DLGAP2: variants seen among roughly 807,000 people sequenced by gnomAD.
DLGAP2 encodes disks large-associated protein 2.
Under a neutral mutation model 100.3 loss-of-function variants are expected in DLGAP2, and 26 were observed. The observed-to-expected ratio is 0.26, with a 90% CI of 0.19 to 0.36. The LOEUF is 0.36. DLGAP2 is among the 10% of genes least tolerant of loss of function. The pLI is 1.00. For missense variants in DLGAP2, 1,858 were observed against 1,453.2 expected (o/e 1.28, Z -4.53); for synonymous variants, 886 against 630.1 (o/e 1.41, Z -6.08).
intron 4 of DLGAP2, among the ~76,000 whole-genome samples, chr8:1,539,231 C>A (rs889300924): frequency 1.3e-5 from 2 of 152,172 alleles, no homozygotes; most frequent in Non-Finnish European, 2.9e-5. Context: ...ACAGCATGTC[C>A]ACCAACAGAC....
rs531964889 is a variant in DLGAP2 at position 1,493,402 on chromosome 8, G to A, written c.107-7964G>A. Among the ~76,000 whole-genome samples, 155 of 152,208 alleles carry A rather than the reference G, an allele frequency of 1.0e-3. 1 individual carries two copies. Among genetic ancestry groups the A allele is most frequent in the Middle Eastern group, 6.8e-3 (2 of 294 alleles). On this transcript the variant is annotated intron_variant, in intron 3 of 14. Transcript: ENST00000637795. Reference sequence around the variant, plus strand: ...GCTCTGAGACGTGCCTCTGTGGACCGAGCGCATAGACCGCTGCCTCCATCT... The same window carrying A: ...GCTCTGAGACGTGCCTCTGTGGACCAAGCGCATAGACCGCTGCCTCCATCT...
chr8:1,281,490 C>A (rs1056552954), intron 3 of DLGAP2, among the ~76,000 whole-genome samples: 6 of 152,198 alleles, frequency 3.9e-5, no homozygotes, highest in African/African-American at 1.4e-4. Context: ...AGGCTGAACA[C>A]ACATCAGCCC....
intron 3 of DLGAP2, among the ~76,000 whole-genome samples, chr8:1,346,731 A>C (rs1801567945): frequency 7.7e-6 from 1 of 130,646 alleles, no homozygotes; most frequent in South Asian, 2.4e-4. Context: ...TCTCATACAG[A>C]GCTGAATTGC....
chr8:1,082,054 A>G (rs1181868781), intron 2 of DLGAP2, among the ~76,000 whole-genome samples: 1 of 152,158 alleles, frequency 6.6e-6, no homozygotes, highest in Non-Finnish European at 1.5e-5. Flanking sequence ...GCAGGAAGAA[A>G]TGCACCTGGC....
chr8:1,689,263 G>C (rs1799191421), intron 12 of DLGAP2, among the ~76,000 whole-genome samples: 1 of 152,134 alleles, frequency 6.6e-6, no homozygotes, highest in Non-Finnish European at 1.5e-5. Flanking sequence ...GCCCGACCCG[G>C]ACCCCGTGAG....
chr8:1,155,085 G>A (rs1431512924), intron 2 of DLGAP2, among the ~76,000 whole-genome samples: 1 of 152,108 alleles, frequency 6.6e-6, no homozygotes, highest in Admixed American at 6.5e-5. Flanking sequence ...CACTGCCTTC[G>A]TCGGAGGGGC....
At chr8:1,346,163 CTGTG>C in intron 3 of DLGAP2, among the ~76,000 whole-genome samples, 1 of 152,306 alleles carries the variant, frequency 6.6e-6, no homozygotes, top group South Asian at 2.1e-4. Context: ...CTGATGGTAA[CTGTG>C]TGGAGTTTGA....
intron 4 of DLGAP2, among the ~76,000 whole-genome samples, chr8:1,506,915 A>T (rs1336510472): frequency 6.6e-6 from 1 of 152,184 alleles, no homozygotes; most frequent in Non-Finnish European, 1.5e-5. Context: ...TGATTGGTGC[A>T]TTTACAATCC....
chr8:1,099,413 A>G (rs60036990), intron 2 of DLGAP2, among the ~76,000 whole-genome samples: 38,225 of 152,158 alleles, frequency 0.25, 5,705 homozygotes, highest in Non-Finnish European at 0.32. Context: ...CATTCAACAA[A>G]TTACCGAGTG....
chr8:1,040,528 G>A (rs1802312456), intron 2 of DLGAP2, among the ~76,000 whole-genome samples: 1 of 149,720 alleles, frequency 6.7e-6, no homozygotes, highest in Non-Finnish European at 1.5e-5. Context: ...CGGTTTCCGT[G>A]GTCGGCTCGG....
rs569913303 is a variant in DLGAP2 at position 1,624,719 on chromosome 8, T to A, written c.1443-2021T>A. Among the ~76,000 whole-genome samples, 8 of 152,054 alleles carry A rather than the reference T, an allele frequency of 5.3e-5. No individual in the cohort carries two copies. The South Asian group carries it at 1.5e-3, about 28-fold the overall frequency. ...GCTGGTGCTGGTGCCGGTCCCCACATCTGCAGCAGAGCTGCCCGTCCCACT... is the reference window on the plus strand; with the variant it reads ...GCTGGTGCTGGTGCCGGTCCCCACAACTGCAGCAGAGCTGCCCGTCCCACT... On this transcript the variant is annotated intron_variant, in intron 6 of 14. Coordinates refer to ENST00000637795, the MANE Select transcript of DLGAP2 (RefSeq NM_001346810.2).
At position 1,361,825 on chromosome 8, in the gene DLGAP2, G is replaced by C. The variant is rs908796745; in HGVS notation, c.106+102942G>C. Among the ~76,000 whole-genome samples, 4 of 152,188 alleles carry C rather than the reference G, an allele frequency of 2.6e-5. No individual in the cohort carries two copies. In the East Asian group the frequency reaches 7.7e-4, roughly 29 times the overall value. On this transcript the variant is annotated intron_variant, in intron 3 of 14. Coordinates refer to ENST00000637795, the MANE Select transcript of DLGAP2 (RefSeq NM_001346810.2). ...CCGTGAGTCAAATTCTAAGAGAAACGTGCTCGCGGCGTCTTCTAGTGCAGG... is the reference window on the plus strand; with the variant it reads ...CCGTGAGTCAAATTCTAAGAGAAACCTGCTCGCGGCGTCTTCTAGTGCAGG...
Position 1,546,580 on chromosome 8 carries a change from T to A in DLGAP2, c.173-2046T>A, listed in dbSNP as rs185651435. Among the ~76,000 whole-genome samples, 7 of 152,130 alleles carry A rather than the reference T, an allele frequency of 4.6e-5. No individual in the cohort carries two copies. In the East Asian group the frequency reaches 1.4e-3, roughly 29 times the overall value. On this transcript the variant is annotated intron_variant, in intron 4 of 14. Coordinates refer to ENST00000637795, the MANE Select transcript of DLGAP2 (RefSeq NM_001346810.2). Reference sequence around the variant, plus strand: ...TTGGTAAACATTATCAGCAGGGGATTTTGTTGTTGTTGTTTGTTTGTTTTT... The same window carrying A: ...TTGGTAAACATTATCAGCAGGGGATATTGTTGTTGTTGTTTGTTTGTTTTT...
chr8:1,010,186 CACAT>C (rs1401134041), intron 2 of DLGAP2, among the ~76,000 whole-genome samples: 2 of 152,232 alleles, frequency 1.3e-5, no homozygotes, highest in Non-Finnish European at 2.9e-5. Context: ...CACATGCACA[CACAT>C]GCATGCACAT....
At chr8:851,574 G>A (rs564561955) in intron 1 of DLGAP2, among the ~76,000 whole-genome samples, 10 of 152,238 alleles carry the variant, frequency 6.6e-5, no homozygotes, top group South Asian at 4.1e-4. Flanking sequence ...TACAAACACC[G>A]TTCTGAGATT....
chr8:893,722 C>T (rs563860451), intron 1 of DLGAP2, among the ~76,000 whole-genome samples: 2 of 152,324 alleles, frequency 1.3e-5, no homozygotes, highest in South Asian at 2.1e-4. Context: ...TGTTAACCGT[C>T]GTTCTTTTGG....
intron 2 of DLGAP2, among the ~76,000 whole-genome samples, chr8:1,139,187 G>C (rs1157951500): frequency 6.6e-6 from 1 of 152,216 alleles, no homozygotes; most frequent in African/African-American, 2.4e-5. Flanking sequence ...CTGCCTGTGA[G>C]ACTGGGGTGT....
chr8:1,559,619 A>G (rs2130553615), intron 5 of DLGAP2, among the ~76,000 whole-genome samples: 1 of 152,394 alleles, frequency 6.6e-6, no homozygotes, highest in South Asian at 2.1e-4. Context: ...TGCTGAAGAA[A>G]AAAATCTTTA....
chr8:1,429,690 A>T (rs1400853613), intron 3 of DLGAP2, among the ~76,000 whole-genome samples: 2 of 151,932 alleles, frequency 1.3e-5, no homozygotes, highest in African/African-American at 4.8e-5. Flanking sequence ...ATGAGCCTGC[A>T]GCAGGCACAT....
Sources: allele counts gnomAD v4.1 joint callset (sites outside exome capture counted in the v4.1 genomes callset), GRCh38; gene constraint gnomAD v4.1.1; transcripts MANE v1.5; gene names NCBI Gene and HGNC (gene_info 2026-07-23, HGNC 2026-07-21).